The following TUSC3 variants were observed in gnomAD, a reference collection of about 807,000 sequenced individuals.
The protein encoded by TUSC3 is dolichyl-diphosphooligosaccharide--protein glycosyltransferase subunit TUSC3.
TUSC3 carries 45 observed loss-of-function variants against 44.8 expected under a neutral mutation model. The observed-to-expected ratio is 1.00, with a 90% CI of 0.79 to 1.29. TUSC3 has a LOEUF of 1.29. Ranked by LOEUF, TUSC3 falls within the 50% of genes most tolerant of loss-of-function variation. TUSC3 has a pLI of 0.00. For synonymous variants in TUSC3, 212 were observed against 152.9 expected, an observed-to-expected ratio of 1.39 and a Z score of -2.85; for missense variants, 519 against 437.9, an observed-to-expected ratio of 1.19 and a Z score of -1.65.
intron 2 of TUSC3, among the ~76,000 whole-genome samples, chr8:15,636,163 T>G (rs1035629915): frequency 1.3e-5 from 2 of 152,078 alleles, no homozygotes; most frequent in Admixed American, 1.3e-4. Context: ...CACAGCTGTT[T>G]CTGAGGGGAA....
chr8:15,807,172 C>A, the TUSC3 span: 5 of 801,970 alleles, frequency 6.2e-6, no homozygotes, highest in Admixed American at 1.8e-5. Context: ...GTATGTGCAT[C>A]CTCCATTTCA....
the TUSC3 span, among the ~76,000 whole-genome samples, chr8:15,833,577 C>T: frequency 2.0e-5 from 3 of 152,086 alleles, no homozygotes; most frequent in African/African-American, 7.2e-5. Flanking sequence ...CTTAGCCAAT[C>T]AATGCAGGAA....
At chr8:15,831,432 A>C in the TUSC3 span, among the ~76,000 whole-genome samples, 1,018 of 152,310 alleles carry the variant, frequency 6.7e-3, 3 homozygotes, top group Non-Finnish European at 0.011. Flanking sequence ...ATTTCCAAAA[A>C]GGTTCTGAAC....
chr8:15,815,375 G>T, the TUSC3 span, among the ~76,000 whole-genome samples: 1 of 152,038 alleles, frequency 6.6e-6, no homozygotes, highest in Non-Finnish European at 1.5e-5. Context: ...GGAGTCCCTG[G>T]GGAATATAAT....
At chr8:15,589,367 A>G (rs994642) in intron 1 of TUSC3, among the ~76,000 whole-genome samples, 59,751 of 151,990 alleles carry the variant, frequency 0.39, 13,787 homozygotes, top group Non-Finnish European at 0.52. Flanking sequence ...CGCATGTTAA[A>G]GTTGGAGAAG....
intron 6 of TUSC3, among the ~76,000 whole-genome samples, chr8:15,727,885 A>G (rs924868266): frequency 6.6e-6 from 1 of 152,196 alleles, no homozygotes; most frequent in Non-Finnish European, 1.5e-5. Flanking sequence ...TATCCTCTTA[A>G]TCCTATTTTA....
downstream of TUSC3, among the ~76,000 whole-genome samples, chr8:15,771,110 G>C (rs989146810): frequency 2.6e-5 from 4 of 152,130 alleles, no homozygotes; most frequent in Admixed American, 2.6e-4. Context: ...ATTTTACAGT[G>C]CTAAAAGAAA....
At chr8:15,521,672 C>G (rs941521653) in intron 2 of TUSC3, among the ~76,000 whole-genome samples, 2 of 152,158 alleles carry the variant, frequency 1.3e-5, no homozygotes, top group Non-Finnish European at 2.9e-5. Context: ...TTATGTTGGG[C>G]TGCATTCAAA....
chr8:15,821,841 G>C, the TUSC3 span, among the ~76,000 whole-genome samples: 1 of 152,042 alleles, frequency 6.6e-6, no homozygotes, highest in African/African-American at 2.4e-5. Flanking sequence ...GGATTTTGTG[G>C]ACTAACACCA....
the TUSC3 span, among the ~76,000 whole-genome samples, chr8:15,820,454 G>T: frequency 6.6e-6 from 1 of 151,850 alleles, no homozygotes; most frequent in African/African-American, 2.4e-5. Context: ...TGATAAGCTG[G>T]AACTACAGGT....
the TUSC3 span, among the ~76,000 whole-genome samples, chr8:15,798,643 G>T: frequency 7.4e-6 from 1 of 135,382 alleles, no homozygotes; most frequent in Non-Finnish European, 1.6e-5. Context: ...TACTCTCCTG[G>T]GTGTGTGGGG....
chr8:15,493,463 A>G (rs1223937731), intron 2 of TUSC3, among the ~76,000 whole-genome samples: 1 of 152,010 alleles, frequency 6.6e-6, no homozygotes, highest in Admixed American at 6.6e-5. Context: ...AGATCTTGCT[A>G]TGTTGCCCAA....
At chr8:15,522,748 C>T (rs1801314933) in intron 2 of TUSC3, among the ~76,000 whole-genome samples, 1 of 152,092 alleles carries the variant, frequency 6.6e-6, no homozygotes, top group Non-Finnish European at 1.5e-5. Context: ...TCTGGCTTCA[C>T]TCAGGGCTTT....
At chr8:15,532,517 A>G (rs1259889674) in intron 2 of TUSC3, among the ~76,000 whole-genome samples, 1 of 152,176 alleles carries the variant, frequency 6.6e-6, no homozygotes, top group East Asian at 1.9e-4. Context: ...GATCCTCAAT[A>G]TTTAAAGTAA....
intron 4 of TUSC3, 72 bp from the exon 5 acceptor site, chr8:15,662,084 A>C (rs1276035506): frequency 6.5e-7 from 1 of 1,546,812 alleles, no homozygotes; most frequent in Non-Finnish European, 8.9e-7. Flanking sequence ...GAAAATTATG[A>C]GGACTAGAAT....
At chr8:15,771,978 A>G in the TUSC3 span, among the ~76,000 whole-genome samples, 1 of 152,060 alleles carries the variant, frequency 6.6e-6, no homozygotes, top group Non-Finnish European at 1.5e-5. Flanking sequence ...AGTCCCAGCT[A>G]CCTGGGAGGC....
the TUSC3 span, among the ~76,000 whole-genome samples, chr8:15,810,436 G>C: frequency 9.2e-5 from 14 of 151,888 alleles, no homozygotes; most frequent in African/African-American, 3.4e-4. Context: ...CCAGGAGTTT[G>C]AGAGCAGCCT....
chr8:15,607,760 G>A (rs1383790864), intron 1 of TUSC3, among the ~76,000 whole-genome samples: 1 of 152,092 alleles, frequency 6.6e-6, no homozygotes, highest in Non-Finnish European at 1.5e-5. Context: ...TGCATAACAT[G>A]AACTATTGTT....
rs375040890 is a variant in TUSC3 at position 15,549,320 on chromosome 8, C to G, written c.138+8752C>G. Among the ~76,000 whole-genome samples, 167 of 151,610 alleles carry G rather than the reference C, an allele frequency of 1.1e-3. 3 individuals carry two copies. The highest frequency in any genetic ancestry group is 0.01 in the Middle Eastern group (3 of 294). ...ACCTGAGGAGCTGGGATTACAGGCG[C>G]ACGCCACCACATCTGGCTGATTTTT... On this transcript the variant is annotated intron_variant, in intron 1 of 10. Transcript: ENST00000503731.
Sources: gnomAD v4.1 joint callset for allele counts (sites outside exome capture counted in the v4.1 genomes callset) on GRCh38, gnomAD v4.1.1 for gene constraint, MANE v1.5 for transcripts, NCBI Gene and HGNC (gene_info 2026-07-23, HGNC 2026-07-21) for gene names.